The following CAST variants were observed in gnomAD, a reference collection of about 807,000 sequenced individuals.
CAST encodes the protein MIR583 host.
In CAST, 76 loss-of-function variants were observed where a neutral mutation model predicts 119.6. That is an observed-to-expected ratio of 0.64 (90% confidence interval 0.53 to 0.77). The LOEUF is 0.77. Ranked by LOEUF, CAST falls within the 30% of genes least tolerant of loss-of-function variation. The probability of loss-of-function intolerance (pLI) is 0.00; values close to 1 mark genes in which losing one functional copy is unlikely to be tolerated. For missense variants in CAST, 953 were observed against 946.5 expected (o/e 1.01, Z -0.09); for synonymous variants, 319 against 331.6 (o/e 0.96, Z 0.41).
chr5:96,163,068 C>T, the CAST span, among the ~76,000 whole-genome samples: 16 of 152,096 alleles, frequency 1.1e-4, no homozygotes, highest in African/African-American at 3.9e-4. Context: ...CAACATCTTT[C>T]CTTTTTATAG....
the CAST span, among the ~76,000 whole-genome samples, chr5:96,510,922 A>G: frequency 6.6e-6 from 1 of 152,194 alleles, no homozygotes; most frequent in East Asian, 1.9e-4. Context: ...TATTTAATTT[A>G]TGTGTATCTT....
At chr5:96,261,796 G>A in the CAST span, among the ~76,000 whole-genome samples, 2 of 152,178 alleles carry the variant, frequency 1.3e-5, no homozygotes, top group African/African-American at 4.8e-5. Flanking sequence ...AATTTAAACA[G>A]CTACATGTGG....
chr5:96,222,883 T>C, the CAST span, among the ~76,000 whole-genome samples: 9 of 152,068 alleles, frequency 5.9e-5, no homozygotes, highest in Non-Finnish European at 1.2e-4. Context: ...AGTGGACTAA[T>C]AAAGAGTACA....
chr5:96,041,596 C>G, the CAST span, among the ~76,000 whole-genome samples: 35 of 152,068 alleles, frequency 2.3e-4, no homozygotes, highest in African/African-American at 8.2e-4. Context: ...AGTTCACTAA[C>G]TATAATAAAT....
chr5:96,035,759 T>TTGTGTGTG, the CAST span, among the ~76,000 whole-genome samples: 3 of 149,616 alleles, frequency 2.0e-5, no homozygotes, highest in African/African-American at 4.9e-5. Flanking sequence ...GTCTGTGTGT[T>TTGTGTGTG]TGTGTGTGTG....
chr5:96,279,947 T>G, the CAST span, among the ~76,000 whole-genome samples: 110,711 of 152,104 alleles, frequency 0.73, 40,552 homozygotes, highest in East Asian at 0.81. Flanking sequence ...CTGCACCATT[T>G]TTTTAAAGCA....
the CAST span, among the ~76,000 whole-genome samples, chr5:96,381,166 AT>A: frequency 6.6e-6 from 1 of 152,020 alleles, no homozygotes; most frequent in Non-Finnish European, 1.5e-5. Context: ...CACTGAAGAG[AT>A]TTGCAAAAAT....
At chr5:96,415,588 T>A in the CAST span, among the ~76,000 whole-genome samples, 1 of 152,174 alleles carries the variant, frequency 6.6e-6, no homozygotes, top group Non-Finnish European at 1.5e-5. Flanking sequence ...AAGATAAAAT[T>A]TGGCTATTTA....
the CAST span, among the ~76,000 whole-genome samples, chr5:96,336,595 T>C: frequency 3.3e-5 from 5 of 152,312 alleles, no homozygotes; most frequent in East Asian, 9.6e-4. Context: ...GAGGTTCCCA[T>C]TGGAAGGAGC....
intron 1 of CAST, among the ~76,000 whole-genome samples, chr5:96,557,892 C>T (rs903688192): frequency 6.6e-6 from 1 of 152,208 alleles, no homozygotes; most frequent in Non-Finnish European, 1.5e-5. Flanking sequence ...CCCAAATCAA[C>T]ACACTATACA....
chr5:96,331,978 A>G, the CAST span, among the ~76,000 whole-genome samples: 2 of 152,234 alleles, frequency 1.3e-5, no homozygotes, highest in Non-Finnish European at 2.9e-5. Context: ...CACTCCTGAC[A>G]CTTTTCTGCT....
the CAST span, among the ~76,000 whole-genome samples, chr5:96,258,475 A>G: frequency 3.2e-4 from 49 of 152,334 alleles, no homozygotes; most frequent in South Asian, 0.01. Context: ...CATCTTTGAA[A>G]TCAAATGTGT....
chr5:96,225,427 CTG>C, the CAST span, among the ~76,000 whole-genome samples: 1 of 152,050 alleles, frequency 6.6e-6, no homozygotes, highest in African/African-American at 2.4e-5. Context: ...AATTATAAAA[CTG>C]TATGCAATTT....
At chr5:96,468,058 A>C in the CAST span, among the ~76,000 whole-genome samples, 1 of 152,116 alleles carries the variant, frequency 6.6e-6, no homozygotes, top group Admixed American at 6.6e-5. Context: ...ACTCAGCCAA[A>C]AAAAGCCTCC....
the CAST span, among the ~76,000 whole-genome samples, chr5:96,412,060 C>G: frequency 6.6e-6 from 1 of 152,190 alleles, no homozygotes; most frequent in Non-Finnish European, 1.5e-5. Context: ...GGGGTTTCTC[C>G]ATATTGGCCA....
the CAST span, among the ~76,000 whole-genome samples, chr5:96,111,195 T>C: frequency 3.3e-5 from 5 of 152,196 alleles, no homozygotes; most frequent in Non-Finnish European, 7.3e-5. Flanking sequence ...TACTGGTTTA[T>C]TATAAAGGAT....
intron 1 of CAST, among the ~76,000 whole-genome samples, chr5:96,626,214 TC>T (rs1747719769): frequency 6.6e-6 from 1 of 152,156 alleles, no homozygotes; most frequent in Non-Finnish European, 1.5e-5. Flanking sequence ...GGAGGACAGA[TC>T]AGAGATCAGG....
At chr5:96,675,681 T>C in intron 2 of CAST, 80 bp downstream of exon 2, 1 of 1,052,940 alleles carries the variant, frequency 9.5e-7, no homozygotes, top group Non-Finnish European at 1.4e-6. Flanking sequence ...AATAACGATG[T>C]AGCAAAGAGC....
chr5:96,437,109 A>T, the CAST span, among the ~76,000 whole-genome samples: 45 of 152,336 alleles, frequency 3.0e-4, no homozygotes, highest in Non-Finnish European at 5.9e-4. Context: ...GACATCTTTA[A>T]TTCTACTGGT....
Sources: gnomAD v4.1 joint callset for allele counts (sites outside exome capture counted in the v4.1 genomes callset) on GRCh38, gnomAD v4.1.1 for gene constraint, MANE v1.5 for transcripts, NCBI Gene and HGNC (gene_info 2026-07-23, HGNC 2026-07-21) for gene names.